Variants in MYH15 observed in about 807,000 individuals in gnomAD.
The protein encoded by MYH15 is myosin heavy chain 15, also known as myosin-15.
Under a neutral mutation model 240.5 loss-of-function variants are expected in MYH15, and 227 were observed. That is an observed-to-expected ratio of 0.94 (90% CI 0.85 to 1.05). The LOEUF is 1.05. Among genes scored for constraint, MYH15 ranks in the 50% least tolerant of loss-of-function variants. MYH15 has a pLI of 0.00. For synonymous variants in MYH15, 785 were observed against 796.7 expected (o/e 0.99, Z 0.25); for missense variants, 2,217 against 2,247.5 (o/e 0.99, Z 0.27).
intron 16 of MYH15, 139 bp from the exon 17 acceptor site, chr3:108,460,506 A>G: frequency 1.8e-6 from 1 of 541,614 alleles, no homozygotes; most frequent in Non-Finnish European, 3.1e-6. Context: ...GCTTCAAAAT[A>G]TTTATGTCTT....
chr3:108,381,694 GC>G, intron 40 of MYH15, 135 bp from the exon 41 acceptor site: 1 of 966,394 alleles, frequency 1.0e-6, no homozygotes, highest in Non-Finnish European at 1.7e-6. Context: ...TCAAAGGGAG[GC>G]AGGGAATTGA....
intron 5 of MYH15, among the ~76,000 whole-genome samples, chr3:108,499,251 T>C (rs1282774183): frequency 1.3e-5 from 2 of 152,192 alleles, no homozygotes; most frequent in Admixed American, 1.3e-4. Context: ...GGAGGCAGAC[T>C]AGCTGACCCC....
intron 30 of MYH15, among the ~76,000 whole-genome samples, chr3:108,412,408 C>T (rs1277786479): frequency 2.0e-5 from 3 of 152,154 alleles, no homozygotes; most frequent in African/African-American, 7.2e-5. Flanking sequence ...TTCCTGAGGT[C>T]GCCCCAGCCA....
At chr3:108,453,585 G>T (rs1359243710) in intron 21 of MYH15, among the ~76,000 whole-genome samples, 1 of 152,144 alleles carries the variant, frequency 6.6e-6, no homozygotes, top group Non-Finnish European at 1.5e-5. Flanking sequence ...ATGTCAACAA[G>T]AGCCACAGTT....
In MYH15 at chr3:108,439,757, G is replaced by A. The variant is rs775372825; in HGVS notation, c.3055C>T (p.Leu1019=). 2.6e-5 allele frequency: 42 copies of A among 1,604,796 alleles called. No homozygotes were observed. The highest frequency in any genetic ancestry group is 3.6e-5 in the Non-Finnish European group (42 of 1,176,204). Residue 1019 remains leucine (L), a synonymous_variant, in exon 24 of 41, where the codon CTG becomes TTG. Transcript: ENST00000693548. ...LSSLSKANLK[L]EQQVDELEGA... Reference sequence around the variant, plus strand: ...CTGACCTCATCAACTTGCTGTTCCAGCTTCAGATTTGCTTTGCTCAGGCTG... The same window carrying A: ...CTGACCTCATCAACTTGCTGTTCCAACTTCAGATTTGCTTTGCTCAGGCTG...
At chr3:108,473,631 T>C (rs2083195493) in intron 12 of MYH15, among the ~76,000 whole-genome samples, 1 of 152,218 alleles carries the variant, frequency 6.6e-6, no homozygotes, top group South Asian at 2.1e-4. Context: ...TTAAATGAGA[T>C]AATCCATACA....
At chr3:108,533,590 A>C (rs1294986665), upstream of MYH15, among the ~76,000 whole-genome samples, 1 of 152,096 alleles carries the variant, frequency 6.6e-6, no homozygotes, top group Non-Finnish European at 1.5e-5. Flanking sequence ...GGGCAAGCAA[A>C]AGGTTTCAAA....
rs553431744 is a variant in MYH15 at position 108,436,989 on chromosome 3, T to A, written c.3221+565A>T. Among the ~76,000 whole-genome samples the A allele has an allele frequency of 2.0e-5, 3 of 152,252 alleles. No homozygotes were observed. In the East Asian group the frequency reaches 5.8e-4, roughly 29 times the overall value. The stretch of plus-strand genomic sequence containing the variant: ...CTGAGAAAGCCAAGTTGCCCTGAGT[T>A]CTTTGGGGTGTAAGGAATCCAGATG... On this transcript the variant is annotated intron_variant, in intron 25 of 40. Transcript: ENST00000693548.
chr3:108,488,888 T>C (rs1274557426), intron 9 of MYH15, among the ~76,000 whole-genome samples: 1 of 152,232 alleles, frequency 6.6e-6, no homozygotes, highest in Non-Finnish European at 1.5e-5. Context: ...TGTAGTAATT[T>C]ACAGTTGACT....
chr3:108,549,271 G>A, the MYH15 span, among the ~76,000 whole-genome samples: 1 of 150,642 alleles, frequency 6.6e-6, no homozygotes, highest in Non-Finnish European at 1.5e-5. Flanking sequence ...ACACACTTTT[G>A]CTTTTTTAAT....
At position 108,454,139 on chromosome 3, in the gene MYH15, A is replaced by T; in HGVS notation, c.2266T>A (p.Phe756Ile). The T allele has an allele frequency of 6.2e-7, 1 of 1,608,946 alleles. No individual in the cohort carries two copies. The highest frequency in any genetic ancestry group is 8.5e-7 in the Non-Finnish European group (1 of 1,176,502). The change falls in exon 21 of 41, where the codon TTT becomes ATT. Residue 756 changes from phenylalanine to isoleucine, a missense_variant. Phe to Ile is a conservative substitution (Grantham distance 21). Transcript: ENST00000693548. The stretch of plus-strand genomic sequence containing the variant: ...TGGCCCAGAAACCCAGCTTTAAAAA[A>T]CACCTAAAGGAAAAGTCAGATGTTA... ...TQYRFGITKV[F>I]FKAGFLGQLE...
At chr3:108,536,121 CG>C in the MYH15 span, among the ~76,000 whole-genome samples, 2 of 152,018 alleles carry the variant, frequency 1.3e-5, no homozygotes, top group Non-Finnish European at 2.9e-5. Context: ...AAAAACTAGC[CG>C]GGGGTGGTGG....
intron 12 of MYH15, among the ~76,000 whole-genome samples, chr3:108,475,589 C>T (rs1490849954): frequency 2.6e-5 from 4 of 152,018 alleles, no homozygotes; most frequent in Admixed American, 2.0e-4. Context: ...GCCGTGTGTC[C>T]CAGATGGCAT....
chr3:108,505,195 T>C (rs1196705943), intron 2 of MYH15, among the ~76,000 whole-genome samples: 5 of 152,228 alleles, frequency 3.3e-5, no homozygotes, highest in Admixed American at 3.3e-4. Context: ...TCAATAATCC[T>C]TGCCACTGGC....
chr3:108,423,678 C>T (rs898993196), intron 27 of MYH15, among the ~76,000 whole-genome samples: 2 of 152,172 alleles, frequency 1.3e-5, no homozygotes, highest in African/African-American at 4.8e-5. Context: ...GTTCAGATTG[C>T]CTCTTTCTAC....
intron 25 of MYH15, among the ~76,000 whole-genome samples, chr3:108,436,640 G>A (rs1405014611): frequency 6.6e-6 from 1 of 152,178 alleles, no homozygotes; most frequent in East Asian, 1.9e-4. Context: ...CTGGGTTCAA[G>A]CGATTCTCCT....
At position 108,464,771 on chromosome 3, in the gene MYH15, G is replaced by C; in HGVS notation, c.1598C>G (p.Pro533Arg). 1 of 1,613,498 alleles carries C rather than the reference G, an allele frequency of 6.2e-7. No individual in the cohort carries two copies. The highest frequency in any genetic ancestry group is 8.5e-7 in the Non-Finnish European group (1 of 1,179,740). ...LSILEEECMF[P>R]KATDLTFKTK... ...CTTGAAAGTCAGGTCTGTAGCCTTA[G>C]GAAACATACACTCTTCTTCAAGGAT... Residue 533 changes from proline (P) to arginine (R), a missense_variant, in exon 15 of 41, where the codon CCT (proline) becomes CGT (arginine). Pro to Arg is a moderately radical substitution (Grantham distance 103). Transcript: ENST00000693548.
chr3:108,394,973 A>AG (rs1438683485), intron 35 of MYH15, among the ~76,000 whole-genome samples: 1 of 152,190 alleles, frequency 6.6e-6, no homozygotes, highest in African/African-American at 2.4e-5. Context: ...TGGAAATAGA[A>AG]GGATACTCCA....
upstream of MYH15, among the ~76,000 whole-genome samples, chr3:108,533,860 C>T (rs2083728209): frequency 6.6e-6 from 1 of 152,178 alleles, no homozygotes; most frequent in Admixed American, 6.5e-5. Context: ...GAAACTGCTA[C>T]CCTGCCTTCC....
Sources: allele counts gnomAD v4.1 joint callset (sites outside exome capture counted in the v4.1 genomes callset), GRCh38; gene constraint gnomAD v4.1.1; transcripts MANE v1.5; gene names NCBI Gene and HGNC (gene_info 2026-07-23, HGNC 2026-07-21).